The following SLC68A1 variants were observed in gnomAD, a reference collection of about 807,000 sequenced individuals.
The protein encoded by SLC68A1 is solute carrier family 68 member 1.
At chr10:102,472,699 G>A in the SLC68A1 span, 1 of 695,484 alleles carries the variant, frequency 1.4e-6, no homozygotes, top group Non-Finnish European at 2.6e-6. Flanking sequence ...GTTCTGGCAT[G>A]TTCTGTGTTT....
At chr10:102,474,101 C>A in the SLC68A1 span, 1 of 1,390,546 alleles carries the variant, frequency 7.2e-7, no homozygotes, top group South Asian at 1.5e-5. Flanking sequence ...GGCTCTGGGT[C>A]CAGTGACGGA....
At chr10:102,471,956 T>C in the SLC68A1 span, 2 of 451,822 alleles carry the variant, frequency 4.4e-6, no homozygotes, top group Non-Finnish European at 4.5e-6. Context: ...AAAGTGAGGA[T>C]ATGAGACAGA....
At chr10:102,467,226 A>G in the SLC68A1 span, among the ~76,000 whole-genome samples, 72,051 of 151,934 alleles carry the variant, frequency 0.47, 17,707 homozygotes, top group Middle Eastern at 0.62. Context: ...AGTAGAGACG[A>G]GGTTGTGCCA....
the SLC68A1 span, chr10:102,476,786 G>A: frequency 4.1e-6 from 4 of 985,816 alleles, no homozygotes; most frequent in Admixed American, 1.2e-4. Context: ...CTGCCTGACT[G>A]GAGCTGGCCG....
chr10:102,467,119 C>A, the SLC68A1 span, among the ~76,000 whole-genome samples: 1 of 152,248 alleles, frequency 6.6e-6, no homozygotes. Flanking sequence ...CTCACTGTAA[C>A]CTCCACCTCT....
chr10:102,465,675 C>T, the SLC68A1 span, among the ~76,000 whole-genome samples: 3 of 152,090 alleles, frequency 2.0e-5, no homozygotes, highest in East Asian at 5.8e-4. Flanking sequence ...CAGGATTTCT[C>T]ACCAGCTTAT....
the SLC68A1 span, among the ~76,000 whole-genome samples, chr10:102,475,249 T>C: frequency 5.9e-5 from 9 of 151,400 alleles, no homozygotes; most frequent in African/African-American, 2.2e-4. Context: ...TGAGTGGAGA[T>C]CGTGCTACTT....
the SLC68A1 span, chr10:102,471,077 C>G: frequency 3.1e-6 from 5 of 1,613,796 alleles, no homozygotes; most frequent in African/African-American, 6.7e-5. Context: ...TGAGGCGGCC[C>G]GAAAGGACCC....
the SLC68A1 span, chr10:102,470,120 A>C: frequency 6.5e-7 from 1 of 1,542,782 alleles, no homozygotes; most frequent in Non-Finnish European, 8.9e-7. Context: ...GTCCCACCCT[A>C]CTGCTACCCA....
the SLC68A1 span, among the ~76,000 whole-genome samples, chr10:102,467,188 C>T: frequency 6.6e-6 from 1 of 152,212 alleles, no homozygotes; most frequent in Non-Finnish European, 1.5e-5. Flanking sequence ...AGGCGCCCGC[C>T]ACCACGCCGG....
chr10:102,468,528 G>C, the SLC68A1 span: 1 of 152,846 alleles, frequency 6.5e-6, no homozygotes, highest in African/African-American at 2.4e-5. Context: ...TTAGCCGGGC[G>C]TGGCGGCGGG....
chr10:102,470,074 C>T, the SLC68A1 span: 39 of 1,613,814 alleles, frequency 2.4e-5, no homozygotes, highest in East Asian at 5.6e-4. Flanking sequence ...CTCCCAGCCC[C>T]GGTTGGTGTA....
At chr10:102,475,858 C>T in the SLC68A1 span, 3 of 1,614,068 alleles carry the variant, frequency 1.9e-6, no homozygotes, top group Non-Finnish European at 1.7e-6. Context: ...TGGTGCCCAT[C>T]ACCTGTGCTC....
the SLC68A1 span, chr10:102,473,695 T>C: frequency 6.2e-7 from 1 of 1,614,002 alleles, no homozygotes; most frequent in Non-Finnish European, 8.5e-7. Context: ...GCTCATGTTG[T>C]TGGCCGGCCC....
chr10:102,475,649 C>T, the SLC68A1 span: 2 of 1,507,510 alleles, frequency 1.3e-6, no homozygotes, highest in Non-Finnish European at 1.8e-6. Flanking sequence ...GATGTCACAC[C>T]ATAGACTTGG....
the SLC68A1 span, chr10:102,470,771 T>C: frequency 1.2e-6 from 2 of 1,613,878 alleles, no homozygotes; most frequent in Non-Finnish European, 1.7e-6. Flanking sequence ...CTGGGTGCCC[T>C]GGGCCCCAGC....
At chr10:102,476,559 A>G in the SLC68A1 span, 1 of 985,934 alleles carries the variant, frequency 1.0e-6, no homozygotes. Context: ...TGCAGCCTGG[A>G]AGACATGGCA....
the SLC68A1 span, chr10:102,475,618 A>T: frequency 7.4e-7 from 1 of 1,349,810 alleles, no homozygotes; most frequent in South Asian, 1.4e-5. Context: ...TGTGGTCTGG[A>T]CACGTCCATG....
chr10:102,476,743 C>A, the SLC68A1 span: 1 of 986,140 alleles, frequency 1.0e-6, no homozygotes, highest in South Asian at 4.7e-5. Context: ...GTGGTGCACA[C>A]AGGCCTGCCA....
Sources: gnomAD v4.1 joint callset for allele counts (sites outside exome capture counted in the v4.1 genomes callset) on GRCh38, gnomAD v4.1.1 for gene constraint, MANE v1.5 for transcripts, NCBI Gene and HGNC (gene_info 2026-07-23, HGNC 2026-07-21) for gene names.